PHEX: variants seen among roughly 807,000 people sequenced by gnomAD.
PHEX encodes phosphate regulating endopeptidase X-linked.
Under a neutral mutation model 68.0 loss-of-function variants are expected in PHEX, and 16 were observed. The observed-to-expected ratio is 0.24, with a 90% CI of 0.16 to 0.36. PHEX has a LOEUF of 0.36. Ranked by LOEUF, PHEX falls within the 10% of genes least tolerant of loss-of-function variation. PHEX has a pLI of 1.00. For missense variants in PHEX, 480 were observed against 575.5 expected, an observed-to-expected ratio of 0.83 and a Z score of 1.70; for synonymous variants, 208 against 205.1, an observed-to-expected ratio of 1.01 and a Z score of -0.12.
chrX:22,206,091 T>G (rs966263049), intron 15 of PHEX, among the ~76,000 whole-genome samples: 2 of 112,185 alleles, frequency 1.8e-5, no homozygotes, highest in African/African-American at 6.5e-5. Flanking sequence ...TGTGCTGATC[T>G]CAAAACTACA....
intron 10 of PHEX, among the ~76,000 whole-genome samples, chrX:22,113,331 C>G (rs770418391): frequency 6.5e-4 from 73 of 111,562 alleles, no homozygotes; most frequent in African/African-American, 2.3e-3. Flanking sequence ...TGAAATTAAG[C>G]CTTAATCCCA....
chrX:22,033,455 A>G (rs1283523123), intron 1 of PHEX, among the ~76,000 whole-genome samples: 1 of 112,139 alleles, frequency 8.9e-6, no homozygotes, highest in Non-Finnish European at 1.9e-5. Flanking sequence ...TCATAGTCAC[A>G]TAGTTTCATT....
chrX:22,093,426 CT>C lies in PHEX; in HGVS notation c.733-550del, dbSNP rs775116274. On this transcript the variant is annotated intron_variant, in intron 6 of 21. Coordinates refer to ENST00000379374, the MANE Select transcript of PHEX (RefSeq NM_000444.6). ...CCTATCATCGTTCCTCTCTTTTCTC[CT>C]TTTTTTCCTGAGCTAGGGAGCAGGA... is the stretch of plus-strand genomic sequence containing the variant. Among the ~76,000 whole-genome samples the C allele has an allele frequency of 3.6e-5, 4 of 111,878 alleles. No homozygotes were observed. In the East Asian group the frequency reaches 1.1e-3, roughly 31 times the overall value.
chrX:22,176,668 C>G (rs1933721132), intron 13 of PHEX, among the ~76,000 whole-genome samples: 1 of 110,228 alleles, frequency 9.1e-6, no homozygotes, highest in Non-Finnish European at 1.9e-5. Flanking sequence ...TGAGTTCAGT[C>G]TTATTATTGT....
intron 3 of PHEX, among the ~76,000 whole-genome samples, chrX:22,054,212 G>C (rs1431201077): frequency 9.0e-6 from 1 of 111,491 alleles, no homozygotes; most frequent in Non-Finnish European, 1.9e-5. Context: ...TCACCTCACT[G>C]CAACCTCCAC....
intron 3 of PHEX, among the ~76,000 whole-genome samples, chrX:22,055,625 G>A (rs185051510): frequency 1.8e-5 from 2 of 111,080 alleles, no homozygotes. Context: ...GCACTGGCAC[G>A]ATCTCGGCTC....
At chrX:22,211,705 C>T in intron 15 of PHEX, among the ~76,000 whole-genome samples, 1 of 112,342 alleles carries the variant, frequency 8.9e-6, no homozygotes, top group African/African-American at 3.2e-5. Context: ...AGTCTGTTCT[C>T]ACACTGCTAA....
In PHEX at chrX:22,249,455, AATATATATATAT is replaced by A. The variant is rs1198426834; in HGVS notation, c.*1523_*1534del. The A allele has an allele frequency of 2.6e-3, 104 of 39,758 alleles. 3 individuals carry two copies. Among genetic ancestry groups the A allele is most frequent in the South Asian group, 2.5e-3 (2 of 795 alleles). The allele number at this position is 39,758 out of a possible 1,213,427, so 3.3% of individuals were successfully genotyped here. A position where few individuals can be genotyped will look rare whatever the true frequency, so the allele number is the denominator to read the frequency against. On this transcript the variant is annotated 3_prime_UTR_variant, in exon 22 of 22. Transcript: ENST00000379374. Reference sequence around the variant, plus strand: ...TTGTGATTCTTTTAAAAAAAAAAAAAATATATATATATATATATATATATATATATATGTATA... The same window carrying A: ...TTGTGATTCTTTTAAAAAAAAAAAAAATATATATATATATATATATGTATA...
In PHEX at chrX:22,248,065, T is replaced by A. The variant is rs1602443023; in HGVS notation, c.*112T>A. The A allele has an allele frequency of 1.8e-6, 1 of 567,463 alleles. No individual in the cohort carries two copies. The highest frequency in any genetic ancestry group is 3.5e-5 in the East Asian group (1 of 28,824). 46.8% of individuals were successfully genotyped at this position (567,463 alleles called of 1,213,427 possible). ...CTGGAGACTTTCATTTTTAGTGCAT[T>A]TTCATTATTTGGGTAGGTGACCTGC... On this transcript the variant is annotated 3_prime_UTR_variant, in exon 22 of 22. Coordinates refer to ENST00000379374, the MANE Select transcript of PHEX (RefSeq NM_000444.6).
chrX:22,218,085 G>A (rs1041561734), intron 16 of PHEX, among the ~76,000 whole-genome samples: 2 of 110,025 alleles, frequency 1.8e-5, no homozygotes, highest in Admixed American at 9.7e-5. Context: ...GCTGGCTCTC[G>A]TGGCTGGGGC....
At chrX:22,117,891 T>C (rs145206086) in intron 11 of PHEX, among the ~76,000 whole-genome samples, 1,205 of 109,735 alleles carry the variant, frequency 0.011, 6 homozygotes, top group South Asian at 0.013. Context: ...TCTGGCCTTT[T>C]ATAGCCTTTT....
chrX:22,119,530 G>A lies in PHEX; in HGVS notation c.1302+4944G>A, dbSNP rs970788471. ...GTTGTGTTCAGGAAGGATGTCTAGAGTTATCACTTGCTAATTTTCCCCTTT... is the reference window on the plus strand; with the variant it reads ...GTTGTGTTCAGGAAGGATGTCTAGAATTATCACTTGCTAATTTTCCCCTTT... On this transcript the variant is annotated intron_variant, in intron 11 of 21. Coordinates refer to ENST00000379374, the MANE Select transcript of PHEX (RefSeq NM_000444.6). 1.1e-4 allele frequency among the ~76,000 whole-genome samples: 12 copies of A among 109,531 alleles called. 1 individual carries two copies. Among genetic ancestry groups the A allele is most frequent in the African/African-American group, 3.6e-4 (11 of 30,145 alleles).
At chrX:22,165,210 G>A (rs964354237) in intron 12 of PHEX, among the ~76,000 whole-genome samples, 3 of 111,870 alleles carry the variant, frequency 2.7e-5, no homozygotes, top group Non-Finnish European at 3.8e-5. Flanking sequence ...TAAAACCAAC[G>A]TGTTTGGGGT....
chrX:22,107,335 C>A (rs925711974), intron 9 of PHEX, among the ~76,000 whole-genome samples: 3 of 112,212 alleles, frequency 2.7e-5, no homozygotes, highest in Non-Finnish European at 3.8e-5. Context: ...GAGGGAATAT[C>A]TTTTGAACTG....
At position 22,106,003 on chromosome X, in the gene PHEX, TCTTTTGAGATG is replaced by T. The variant is rs1930669129; in HGVS notation, c.1080-5459_1080-5449del. Reference sequence around the variant, plus strand: ...ATGTTGCTCTCTTTGTGGTGGGTGCTCTTTTGAGATGCTTTGCCTTTCTCTGTTTGATTTAT... The same window carrying T: ...ATGTTGCTCTCTTTGTGGTGGGTGCTCTTTGCCTTTCTCTGTTTGATTTAT... On this transcript the variant is annotated intron_variant, in intron 9 of 21. Transcript: ENST00000379374. Among the ~76,000 whole-genome samples, 4 of 112,052 alleles carry T rather than the reference TCTTTTGAGATG, an allele frequency of 3.6e-5. No individual in the cohort carries two copies. The Admixed American group carries it at 3.8e-4, about 11-fold the overall frequency.
At chrX:22,054,518 A>G (rs1287206817) in intron 3 of PHEX, among the ~76,000 whole-genome samples, 1 of 111,844 alleles carries the variant, frequency 8.9e-6, no homozygotes, top group East Asian at 2.8e-4. Context: ...CCAAGCATCC[A>G]TTGTGGTGGG....
In PHEX at chrX:22,106,794, A is replaced by AAAAAC. The variant is rs1206282737; in HGVS notation, c.1080-4671_1080-4670insAACAA. 1.6e-3 allele frequency among the ~76,000 whole-genome samples: 172 copies of AAAAAC among 108,110 alleles called. 1 individual carries two copies. Among genetic ancestry groups the AAAAAC allele is most frequent in the African/African-American group, 5.7e-3 (164 of 29,014 alleles). 93.9% of individuals were successfully genotyped at this position (108,110 alleles called of 115,157 possible). On this transcript the variant is annotated intron_variant, in intron 9 of 21. Transcript: ENST00000379374. ...ACTCTGTCTCAAAAAAAAAAAAAAA[A>AAAAAC]AACCAAATAGAGGCTTTAATTCATC...
chrX:22,223,422 C>A (rs1210559397), intron 18 of PHEX, among the ~76,000 whole-genome samples: 1 of 111,149 alleles, frequency 9.0e-6, no homozygotes, highest in East Asian at 2.8e-4. Context: ...GGTGAGGCTG[C>A]TCCAAAAGGC....
intron 20 of PHEX, among the ~76,000 whole-genome samples, chrX:22,234,619 C>G (rs776867787): frequency 1.1e-4 from 12 of 109,885 alleles, no homozygotes; most frequent in South Asian, 3.9e-4. Flanking sequence ...CCTTCCCCCC[C>G]CAAGCTCAAG....
Sources: allele counts gnomAD v4.1 joint callset (sites outside exome capture counted in the v4.1 genomes callset), GRCh38; gene constraint gnomAD v4.1.1; transcripts MANE v1.5; gene names NCBI Gene and HGNC (gene_info 2026-07-23, HGNC 2026-07-21).